LUC7L: variants seen among roughly 807,000 people sequenced by gnomAD.
LUC7L encodes putative RNA-binding protein Luc7-like 1.
In LUC7L, 29 loss-of-function variants were observed where a neutral mutation model predicts 51.1. The ratio of observed to expected loss-of-function variants is 0.57; its 90% CI spans 0.42 to 0.77. The LOEUF (loss-of-function observed/expected upper bound fraction) is 0.77, where lower values mean the gene tolerates loss of function less well. Among genes scored for constraint, LUC7L ranks in the 30% least tolerant of loss-of-function variants. LUC7L has a pLI of 0.00. For missense variants in LUC7L, 403 were observed against 511.9 expected (o/e 0.79, Z 2.05); for synonymous variants, 181 against 180.7 (o/e 1.00, Z -0.01).
rs561374283 is a variant in LUC7L, at chr16:227,865, G to A, written c.62-529C>T. On this transcript the variant is annotated intron_variant, in intron 1 of 9. Transcript: ENST00000293872. Reference sequence around the variant, plus strand: ...GATCTATTCTTCCTACGTCCCTTTCGTTCCCACCCTTAAAAAAGAGAGTTG... The same window carrying A: ...GATCTATTCTTCCTACGTCCCTTTCATTCCCACCCTTAAAAAAGAGAGTTG... 15 of 1,000,256 alleles carry A rather than the reference G, an allele frequency of 1.5e-5. No homozygotes were observed. In the Admixed American group the frequency reaches 2.2e-4, roughly 15 times the overall value. The allele number at this position is 1,000,256 out of a possible 1,614,324, so 62.0% of individuals were successfully genotyped here.
At chr16:195,835 G>T (rs2049134291) in intron 6 of LUC7L, among the ~76,000 whole-genome samples, 1 of 152,140 alleles carries the variant, frequency 6.6e-6, no homozygotes, top group Non-Finnish European at 1.5e-5. Flanking sequence ...ACTACTGTGA[G>T]TGAGGCCTCC....
At chr16:212,697 T>C (rs2049678567) in intron 3 of LUC7L, among the ~76,000 whole-genome samples, 1 of 152,090 alleles carries the variant, frequency 6.6e-6, no homozygotes. Context: ...CCAGACAACA[T>C]GGGAGTAAAG....
chr16:199,403 C>T (rs1485558497), intron 5 of LUC7L, among the ~76,000 whole-genome samples, 165 bp from the exon 6 acceptor site: 4 of 152,172 alleles, frequency 2.6e-5, no homozygotes, highest in Admixed American at 6.6e-5. Flanking sequence ...TCAATTTTCA[C>T]TGTTTATTTA....
chr16:207,779 G>A (rs1241977857), intron 4 of LUC7L, among the ~76,000 whole-genome samples: 1 of 152,184 alleles, frequency 6.6e-6, no homozygotes, highest in Non-Finnish European at 1.5e-5. Context: ...GGAGGCTGAG[G>A]CAGGCAGATC....
chr16:190,696 G>T, intron 7 of LUC7L, 126 bp from the exon 8 acceptor site: 2 of 815,308 alleles, frequency 2.5e-6, no homozygotes, highest in Non-Finnish European at 4.2e-6. Flanking sequence ...CCTGGACAAC[G>T]TGGTGAAACC....
chr16:217,306 T>C (rs1596663327), intron 3 of LUC7L, among the ~76,000 whole-genome samples: 1 of 151,828 alleles, frequency 6.6e-6, no homozygotes, highest in African/African-American at 2.4e-5. Flanking sequence ...TGTAAGCCAC[T>C]GCACACGGTC....
At chr16:201,661 G>A (rs376701087) in intron 5 of LUC7L, among the ~76,000 whole-genome samples, 4 of 150,470 alleles carry the variant, frequency 2.7e-5, no homozygotes, top group South Asian at 2.1e-4. Flanking sequence ...GGATGGTCTC[G>A]ATCTCCTGAC....
intron 3 of LUC7L, chr16:209,270 C>T (rs537606295): frequency 6.6e-6 from 1 of 152,046 alleles, no homozygotes; most frequent in Non-Finnish European, 1.5e-5. Context: ...GCGGGAGGAT[C>T]CATGAGGTCA....
At chr16:191,161 T>C (rs1274770408) in intron 7 of LUC7L, among the ~76,000 whole-genome samples, 1 of 152,216 alleles carries the variant, frequency 6.6e-6, no homozygotes, top group East Asian at 1.9e-4. Flanking sequence ...CTGTGCACAC[T>C]GACTGTGCTG....
chr16:191,652 C>A (rs1326387208), intron 7 of LUC7L, among the ~76,000 whole-genome samples: 1 of 152,150 alleles, frequency 6.6e-6, no homozygotes, highest in Admixed American at 6.5e-5. Context: ...CGAGACCAGC[C>A]TGGCCAACAT....
intron 7 of LUC7L, among the ~76,000 whole-genome samples, chr16:191,451 A>T (rs1430790561): frequency 6.6e-6 from 1 of 152,340 alleles, no homozygotes; most frequent in Non-Finnish European, 1.5e-5. Context: ...ATGACAGTGC[A>T]TGTAAAAATG....
At chr16:212,021 C>T (rs1269103497) in intron 3 of LUC7L, among the ~76,000 whole-genome samples, 1 of 152,078 alleles carries the variant, frequency 6.6e-6, no homozygotes, top group Non-Finnish European at 1.5e-5. Context: ...GGGCCGGGCG[C>T]GGTGGCTCAC....
At chr16:218,003 C>T (rs899658833) in intron 3 of LUC7L, among the ~76,000 whole-genome samples, 26 of 142,190 alleles carry the variant, frequency 1.8e-4, no homozygotes, top group African/African-American at 6.0e-4. Flanking sequence ...ACAGCCTGGG[C>T]GACAAGAGCA....
intron 3 of LUC7L, 73 bp downstream of exon 3, chr16:220,576 T>C (rs1383715917): frequency 9.1e-7 from 1 of 1,096,134 alleles, no homozygotes; most frequent in African/African-American, 1.6e-5. Context: ...AACTTACGTA[T>C]GTTACATTTT....
intron 5 of LUC7L, among the ~76,000 whole-genome samples, chr16:201,331 T>G (rs2142060140): frequency 6.6e-6 from 1 of 152,134 alleles, no homozygotes; most frequent in South Asian, 2.1e-4. Flanking sequence ...CTTCTATAGT[T>G]TTGAAACCTT....
intron 5 of LUC7L, 89 bp downstream of exon 5, chr16:205,915 G>C: frequency 4.8e-6 from 7 of 1,455,548 alleles, no homozygotes; most frequent in Non-Finnish European, 6.5e-6. Flanking sequence ...TTTAAAAAAT[G>C]GGAGCAAGCA....
chr16:192,248 C>T (rs1247083385), intron 7 of LUC7L, among the ~76,000 whole-genome samples: 1 of 152,168 alleles, frequency 6.6e-6, no homozygotes, highest in East Asian at 1.9e-4. Context: ...GCCACCTCCT[C>T]CATCTGGATT....
At chr16:192,164 C>T (rs1284869247) in intron 7 of LUC7L, among the ~76,000 whole-genome samples, 1 of 152,170 alleles carries the variant, frequency 6.6e-6, no homozygotes, top group African/African-American at 2.4e-5. Flanking sequence ...ACGCTTCACA[C>T]ACTACCAGCA....
intron 4 of LUC7L, among the ~76,000 whole-genome samples, chr16:207,052 A>G (rs910218169): frequency 1.3e-5 from 2 of 151,956 alleles, no homozygotes; most frequent in African/African-American, 2.4e-5. Flanking sequence ...ACAAAAAATT[A>G]GCTGGGCGTG....
Sources: allele counts gnomAD v4.1 joint callset (sites outside exome capture counted in the v4.1 genomes callset), GRCh38; gene constraint gnomAD v4.1.1; transcripts MANE v1.5; gene names NCBI Gene and HGNC (gene_info 2026-07-23, HGNC 2026-07-21).